The following SLC35E3 variants were observed in gnomAD, a reference collection of about 807,000 sequenced individuals.
SLC35E3 encodes the protein bladder cancer-overexpressed gene 1 protein.
Under a neutral mutation model 30.8 loss-of-function variants are expected in SLC35E3, and 28 were observed. The ratio of observed to expected loss-of-function variants is 0.91; its 90% CI spans 0.67 to 1.25. SLC35E3 has a LOEUF of 1.25. Ranked by LOEUF, SLC35E3 falls within the 50% of genes most tolerant of loss-of-function variation. The probability of loss-of-function intolerance (pLI) is 0.00; values close to 1 mark genes in which losing one functional copy is unlikely to be tolerated. For synonymous variants in SLC35E3, 146 were observed against 149.2 expected (o/e 0.98, Z 0.16); for missense variants, 365 against 375.4 (o/e 0.97, Z 0.23).
Position 68,758,386 on chromosome 12 carries a change from C to G in SLC35E3, c.673-771C>G, listed in dbSNP as rs1452120483. 2.6e-5 allele frequency among the ~76,000 whole-genome samples: 4 copies of G among 151,744 alleles called. No individual in the cohort carries two copies. The East Asian group carries it at 7.8e-4, about 29-fold the overall frequency. On this transcript the variant is annotated intron_variant, in intron 3 of 4. Transcript: ENST00000398004. ...AGTGAGCCCAGATCGTGCCACTGCA[C>G]TCCAGCCTGGGTGACAGAGTGAAAC...
At position 68,772,617 on chromosome 12, in the gene SLC35E3, A is replaced by T. The variant is rs1378558122; in HGVS notation, c.*7727A>T. 2 of 152,208 alleles carry T rather than the reference A, an allele frequency of 1.3e-5. No homozygotes were observed. Among genetic ancestry groups the T allele is most frequent in the Non-Finnish European group, 2.9e-5 (2 of 68,038 alleles). The allele number at this position is 152,208 out of a possible 1,614,324, so 9.4% of individuals were successfully genotyped here. ...AGCAGCATATCACTCAAACTATAGT[A>T]ATTCACATTTTTCCATTTAACTAAA... On this transcript the variant is annotated 3_prime_UTR_variant, in exon 5 of 5. Coordinates refer to ENST00000398004, the MANE Select transcript of SLC35E3 (RefSeq NM_018656.5).
chr12:68,764,050 C>T (rs1879307770), intron 4 of SLC35E3, among the ~76,000 whole-genome samples: 1 of 152,180 alleles, frequency 6.6e-6, no homozygotes, highest in South Asian at 2.1e-4. Flanking sequence ...CCCTCTTTTC[C>T]CTCCTTAACT....
chr12:68,746,262 C>G lies in SLC35E3; in HGVS notation c.-116C>G, dbSNP rs1878545198. On this transcript the variant is annotated 5_prime_UTR_variant, in exon 1 of 5. Coordinates refer to ENST00000398004, the MANE Select transcript of SLC35E3 (RefSeq NM_018656.5). ...CCGGGGTTGATCTGTGCATGCCACTCCTGGGTCAGACGGTGAGGTCGGCGT... is the reference window on the plus strand; with the variant it reads ...CCGGGGTTGATCTGTGCATGCCACTGCTGGGTCAGACGGTGAGGTCGGCGT... 6.9e-6 allele frequency: 7 copies of G among 1,012,710 alleles called. No individual in the cohort carries two copies. In the South Asian group the frequency reaches 8.1e-5, roughly 12 times the overall value. The allele number at this position is 1,012,710 out of a possible 1,614,324, so 62.7% of individuals were successfully genotyped here. A position where few individuals can be genotyped will look rare whatever the true frequency, so the allele number is the denominator to read the frequency against.
chr12:68,750,030 GTAC>G (rs1436810562), intron 2 of SLC35E3, among the ~76,000 whole-genome samples: 1 of 152,186 alleles, frequency 6.6e-6, no homozygotes, highest in Non-Finnish European at 1.5e-5. Context: ...GAACCTACCT[GTAC>G]TTCACAGGAC....
At chr12:68,759,697 C>T (rs1484390704) in intron 4 of SLC35E3, among the ~76,000 whole-genome samples, 1 of 149,058 alleles carries the variant, frequency 6.7e-6, no homozygotes, top group Non-Finnish European at 1.5e-5. Context: ...GAGCAAGACT[C>T]TGTCTTAAAA....
Sources: gnomAD v4.1 joint callset for allele counts (sites outside exome capture counted in the v4.1 genomes callset) on GRCh38, gnomAD v4.1.1 for gene constraint, MANE v1.5 for transcripts, NCBI Gene and HGNC (gene_info 2026-07-23, HGNC 2026-07-21) for gene names.